The following FBXO34 variants were observed in gnomAD, a reference collection of about 807,000 sequenced individuals.
FBXO34 encodes F-box only protein 34.
FBXO34 carries 12 observed loss-of-function variants against 24.5 expected under a neutral mutation model. The observed-to-expected ratio is 0.49, with a 90% CI of 0.31 to 0.79. FBXO34 has a LOEUF of 0.79. Among genes scored for constraint, FBXO34 ranks in the 30% least tolerant of loss-of-function variants. FBXO34 has a pLI of 0.04. For synonymous variants in FBXO34, 320 were observed against 311.9 expected, an observed-to-expected ratio of 1.03 and a Z score of -0.27; for missense variants, 823 against 857.7, an observed-to-expected ratio of 0.96 and a Z score of 0.51.
At chr14:55,422,176 A>T in the FBXO34 span, among the ~76,000 whole-genome samples, 2 of 152,236 alleles carry the variant, frequency 1.3e-5, no homozygotes, top group African/African-American at 2.4e-5. Flanking sequence ...ATGAGAAGAT[A>T]TGTAGCGTTA....
chr14:55,325,102 T>G (rs1432227762), intron 1 of FBXO34, among the ~76,000 whole-genome samples: 1 of 152,236 alleles, frequency 6.6e-6, no homozygotes, highest in Non-Finnish European at 1.5e-5. Flanking sequence ...ATATGAATTG[T>G]GTCCTGGGTG....
the FBXO34 span, among the ~76,000 whole-genome samples, chr14:55,406,589 T>C: frequency 6.6e-6 from 1 of 152,220 alleles, no homozygotes; most frequent in Non-Finnish European, 1.5e-5. Context: ...CCAGAAAATT[T>C]TGTGCACATA....
At chr14:55,302,608 G>T (rs1023903808) in intron 1 of FBXO34, among the ~76,000 whole-genome samples, 1 of 151,842 alleles carries the variant, frequency 6.6e-6, no homozygotes, top group Non-Finnish European at 1.5e-5. Flanking sequence ...TCTTGTTCGG[G>T]GGCAGGGAAG....
the FBXO34 span, among the ~76,000 whole-genome samples, chr14:55,433,052 A>G: frequency 1.3e-5 from 2 of 152,242 alleles, no homozygotes; most frequent in South Asian, 4.1e-4. Context: ...AATTCACCTT[A>G]GAAACAAGTT....
chr14:55,289,872 A>T (rs1398868923), intron 1 of FBXO34, among the ~76,000 whole-genome samples: 1 of 152,044 alleles, frequency 6.6e-6, no homozygotes, highest in Non-Finnish European at 1.5e-5. Flanking sequence ...AAAAAAAAAC[A>T]AGTATGGTAG....
chr14:55,401,297 G>A, the FBXO34 span, among the ~76,000 whole-genome samples: 84 of 151,880 alleles, frequency 5.5e-4, 1 homozygote, highest in South Asian at 0.017. Context: ...ATTTAGCAGG[G>A]AAATTGGCCA....
chr14:55,321,244 G>T (rs1485834642), intron 1 of FBXO34, among the ~76,000 whole-genome samples: 3 of 150,212 alleles, frequency 2.0e-5, no homozygotes, highest in Admixed American at 6.6e-5. Flanking sequence ...TGTAATATAA[G>T]GAATATCAGA....
intron 1 of FBXO34, chr14:55,339,608 T>G (rs1473883439): frequency 1.3e-5 from 2 of 152,176 alleles, no homozygotes; most frequent in Non-Finnish European, 2.9e-5. Flanking sequence ...CAGATAACAT[T>G]ACAGTTTGGG....
chr14:55,422,090 T>C, the FBXO34 span, among the ~76,000 whole-genome samples: 1 of 152,130 alleles, frequency 6.6e-6, no homozygotes, highest in African/African-American at 2.4e-5. Context: ...TATAATAGGA[T>C]AAACCTAGAG....
intron 1 of FBXO34, among the ~76,000 whole-genome samples, chr14:55,323,226 T>TG (rs1491370677): frequency 1.5e-4 from 3 of 20,532 alleles, no homozygotes; most frequent in South Asian, 2.3e-3. Flanking sequence ...AAAATATATA[T>TG]TTTTTTTTTT....
At chr14:55,405,083 C>G in the FBXO34 span, among the ~76,000 whole-genome samples, 458 of 152,306 alleles carry the variant, frequency 3.0e-3, 6 homozygotes, top group African/African-American at 0.011. Context: ...CTCCATGGGA[C>G]AGGAATTGAG....
the FBXO34 span, among the ~76,000 whole-genome samples, chr14:55,419,425 G>A: frequency 1.3e-5 from 2 of 152,210 alleles, no homozygotes; most frequent in Non-Finnish European, 2.9e-5. Context: ...TTTGCTGTTT[G>A]TTATACCCCA....
At position 55,352,178 on chromosome 14, in the gene FBXO34, G is replaced by A; in HGVS notation, c.1788G>A (p.Val596=). 1 of 1,614,020 alleles carries A rather than the reference G, an allele frequency of 6.2e-7. No homozygotes were observed. Among genetic ancestry groups the A allele is most frequent in the Non-Finnish European group, 8.5e-7 (1 of 1,179,998 alleles). The change falls in exon 2 of 2, where the codon GTG becomes GTA. Residue 596 remains valine (V), a synonymous_variant. Transcript: ENST00000313833. ...GGTTACTTCCCACCAAGAGTTTAGT[G>A]GCCCTTAAATGTACCTGCTGCTATT... ...IFRLLPTKSL[V]ALKCTCCYFK...
At chr14:55,414,275 G>T in the FBXO34 span, 2 of 867,468 alleles carry the variant, frequency 2.3e-6, no homozygotes, top group Non-Finnish European at 3.6e-6. Context: ...AATAAGTAAC[G>T]TACTTGTAAC....
chr14:55,411,701 T>G, the FBXO34 span: 1 of 1,612,880 alleles, frequency 6.2e-7, no homozygotes, highest in Non-Finnish European at 8.5e-7. Flanking sequence ...CGGGCAGCGC[T>G]CCACAGCCAC....
intron 1 of FBXO34, among the ~76,000 whole-genome samples, chr14:55,331,729 G>GTGTATA: frequency 3.6e-5 from 1 of 28,060 alleles, no homozygotes; most frequent in Non-Finnish European, 5.9e-5. Flanking sequence ...ATATATATAT[G>GTGTATA]TATATATATA....
downstream of FBXO34, among the ~76,000 whole-genome samples, chr14:55,364,684 T>G (rs1042015016): frequency 1.7e-4 from 25 of 151,378 alleles, no homozygotes; most frequent in South Asian, 2.1e-4. Flanking sequence ...CTGTCTCTGC[T>G]TCCCAAAGTG....
chr14:55,428,723 C>T, the FBXO34 span: 1 of 1,370,612 alleles, frequency 7.3e-7, no homozygotes, highest in Non-Finnish European at 9.9e-7. Flanking sequence ...CACAATTTCT[C>T]TGAAAGATAC....
intron 1 of FBXO34, among the ~76,000 whole-genome samples, chr14:55,330,665 C>T (rs1375384649): frequency 6.6e-6 from 1 of 151,962 alleles, no homozygotes; most frequent in Non-Finnish European, 1.5e-5. Flanking sequence ...GTGGTATATG[C>T]TTGTGGTCCC....
Sources: gnomAD v4.1 joint callset for allele counts (sites outside exome capture counted in the v4.1 genomes callset) on GRCh38, gnomAD v4.1.1 for gene constraint, MANE v1.5 for transcripts, NCBI Gene and HGNC (gene_info 2026-07-23, HGNC 2026-07-21) for gene names.